The following MAPKBP1 variants were observed in gnomAD, a reference collection of about 807,000 sequenced individuals.
MAPKBP1 encodes mitogen-activated protein kinase-binding protein 1.
MAPKBP1 carries 71 observed loss-of-function variants against 170.5 expected under a neutral mutation model. That is an observed-to-expected ratio of 0.42 (90% confidence interval 0.34 to 0.51). MAPKBP1 has a LOEUF of 0.51. Ranked by LOEUF, MAPKBP1 falls within the 20% of genes least tolerant of loss-of-function variation. MAPKBP1 has a pLI of 0.06. For synonymous variants in MAPKBP1, 719 were observed against 757.9 expected, an observed-to-expected ratio of 0.95 and a Z score of 0.84; for missense variants, 1,598 against 1,933.0, an observed-to-expected ratio of 0.83 and a Z score of 3.25.
At chr15:41,809,073 C>CAA (rs34394712) in intron 3 of MAPKBP1, among the ~76,000 whole-genome samples, 18,929 of 113,614 alleles carry the variant, frequency 0.17, 1,933 homozygotes, top group Non-Finnish European at 0.18. Context: ...GACCCTGCCT[C>CAA]AAAAAAAAAA....
intron 2 of MAPKBP1, among the ~76,000 whole-genome samples, chr15:41,779,115 T>C (rs916194661): frequency 5.3e-5 from 8 of 152,152 alleles, no homozygotes; most frequent in Non-Finnish European, 1.2e-4. Context: ...TAAGAAGAGT[T>C]TGGTTGGGTG....
At position 41,817,369 on chromosome 15, in the gene MAPKBP1, G is replaced by C. The variant is rs1217334945; in HGVS notation, c.1712-19G>C. ...TGTGGTGAGAACAGTGGGAACAGCT[G>C]GGCTTCCCTCCTTCATAGCCAGTGA... On this transcript the variant is annotated intron_variant, in intron 14 of 30. Coordinates refer to ENST00000457542, the MANE Select transcript of MAPKBP1 (RefSeq NM_014994.3). The surrounding 1 kb of genome is among the most constrained non-coding windows in gnomAD (Gnocchi z 4.2). The C allele has an allele frequency of 5.0e-6, 8 of 1,613,588 alleles. No homozygotes were observed. The highest frequency in any genetic ancestry group is 6.8e-6 in the Non-Finnish European group (8 of 1,179,476).
rs1180462646 is a variant in MAPKBP1, at chr15:41,823,315, G to A, written c.3598+93G>A. 3.9e-6 allele frequency: 6 copies of A among 1,550,438 alleles called. No homozygotes were observed. In the African/African-American group the frequency reaches 6.8e-5, roughly 18 times the overall value. ...GGAGGGCCTGGTGTGGCCCTGATGT[G>A]CCACTGTGCTGGCCACTAGGTGTCC... is the stretch of plus-strand genomic sequence containing the variant. On this transcript the variant is annotated intron_variant, in intron 28 of 30. Transcript: ENST00000457542.
chr15:41,820,174 A>G (rs2064970734), intron 22 of MAPKBP1, among the ~76,000 whole-genome samples: 1 of 152,148 alleles, frequency 6.6e-6, no homozygotes, highest in African/African-American at 2.4e-5. Flanking sequence ...AGGGGGATCA[A>G]GGTGTTCAGA....
At chr15:41,819,555 G>GGGGGGGGGGGGGA (rs1555454090) in intron 21 of MAPKBP1, 40 bp from the exon 22 acceptor site, 1 of 1,478,514 alleles carries the variant, frequency 6.8e-7, no homozygotes, top group African/African-American at 1.4e-5. Context: ...GGCGGGGGGG[G>GGGGGGGGGGGGGA]GGCAGGAGAC....
At position 41,822,628 on chromosome 15, in the gene MAPKBP1, C is replaced by G; in HGVS notation, c.3265C>G (p.Arg1089Gly). The change falls in exon 27 of 31, where the codon CGG (arginine) becomes GGG (glycine). Residue 1089 changes from arginine (R) to glycine (G), a missense_variant. Physicochemically the swap from Arg to Gly is moderately radical, Grantham distance 125. Transcript: ENST00000457542. Reference protein sequence around the residue: ...PVQVPERSESRSISSRFLLQV... With the variant: ...PVQVPERSESGSISSRFLLQV... ...GCAGGTCCCAGAGAGGTCAGAGTCT[C>G]GGAGTATCTCTTCACGATTCCTGTT... 1.2e-6 allele frequency: 2 copies of G among 1,614,080 alleles called. No homozygotes were observed. Among genetic ancestry groups the G allele is most frequent in the East Asian group, 2.2e-5 (1 of 44,882 alleles).
At chr15:41,806,969 G>A (rs1407388951) in intron 3 of MAPKBP1, among the ~76,000 whole-genome samples, 1 of 152,202 alleles carries the variant, frequency 6.6e-6, no homozygotes, top group African/African-American at 2.4e-5. Flanking sequence ...CTGCGTTATC[G>A]TCCCTGCATG....
chr15:41,811,011 A>G, intron 4 of MAPKBP1, 66 bp downstream of exon 4: 6 of 1,592,594 alleles, frequency 3.8e-6, no homozygotes, highest in Non-Finnish European at 5.2e-6. Flanking sequence ...CACTGTCTAG[A>G]GTCTCTATGG....
chr15:41,813,247 C>G, intron 8 of MAPKBP1, 146 bp downstream of exon 8: 1 of 1,498,864 alleles, frequency 6.7e-7, no homozygotes, highest in Non-Finnish European at 9.2e-7. Flanking sequence ...AGAGCTTGGC[C>G]CATTTCCAGC....
chr15:41,777,498 TC>T (rs1322649280), intron 2 of MAPKBP1, among the ~76,000 whole-genome samples: 1 of 152,200 alleles, frequency 6.6e-6, no homozygotes, highest in Non-Finnish European at 1.5e-5. Context: ...ATTCAGTGCT[TC>T]AGACTGCTTT....
At chr15:41,779,986 C>T (rs1459067970) in intron 2 of MAPKBP1, among the ~76,000 whole-genome samples, 3 of 152,184 alleles carry the variant, frequency 2.0e-5, no homozygotes, top group African/African-American at 7.2e-5. Context: ...CTGCCCTCAG[C>T]CTTCAAAGTG....
At chr15:41,781,841 T>C (rs1474355777) in intron 2 of MAPKBP1, among the ~76,000 whole-genome samples, 1 of 152,170 alleles carries the variant, frequency 6.6e-6, no homozygotes, top group Non-Finnish European at 1.5e-5. Context: ...TTATCACAGT[T>C]CTCATCAGCC....
chr15:41,821,214 G>A (rs2064990665), intron 23 of MAPKBP1, 146 bp downstream of exon 23: 3 of 784,648 alleles, frequency 3.8e-6, no homozygotes, highest in Middle Eastern at 3.7e-4. Flanking sequence ...GCCAGGATGG[G>A]GGTGGCTGGG....
chr15:41,822,400 T>C lies in MAPKBP1; in HGVS notation c.3207T>C (p.Thr1069=). The C allele has an allele frequency of 6.2e-7, 1 of 1,614,010 alleles. No homozygotes were observed. Among genetic ancestry groups the C allele is most frequent in the Admixed American group, 1.7e-5 (1 of 60,004 alleles). The stretch of plus-strand genomic sequence containing the variant: ...AGTTTCTAAAACAGCACTTTGAGAC[T>C]CTGGCCAGTGGAGCTGCTCCAGGTG... The part of the protein sequence containing the change: ...QEQFLKQHFE[T]LASGAAPGAP... The change falls in exon 26 of 31, where the codon ACT becomes ACC. Residue 1069 remains threonine (T), a synonymous_variant. Transcript: ENST00000457542.
At chr15:41,824,231 G>C (rs2065051423) in intron 29 of MAPKBP1, among the ~76,000 whole-genome samples, 170 bp downstream of exon 29, 1 of 152,212 alleles carries the variant, frequency 6.6e-6, no homozygotes, top group African/African-American at 2.4e-5. Flanking sequence ...AGACCCTCCT[G>C]CTAACCTTCA....
chr15:41,774,965 C>T (rs2064072259), intron 1 of MAPKBP1: 7 of 482,840 alleles, frequency 1.4e-5, no homozygotes, highest in Admixed American at 7.5e-5. Flanking sequence ...CTCTGGCGGG[C>T]GTGGGCCTGG....
rs778360412 is a variant in MAPKBP1, at chr15:41,823,787, C to T, written c.3939C>T (p.Gly1313=). The change falls in exon 29 of 31, where the codon GGC becomes GGT. Residue 1313 remains glycine, a synonymous_variant. Coordinates refer to ENST00000457542, the MANE Select transcript of MAPKBP1 (RefSeq NM_014994.3). ...CTGCATTCTCTCCTGTCACCAAAGG[C>T]CGGGCCCCTGGCGAGGCAGAAAAGC... ...TLAAFSPVTK[G]RAPGEAEKPG... is the part of the protein sequence containing the mutation. The T allele has an allele frequency of 5.0e-6, 8 of 1,614,194 alleles. No homozygotes were observed. The highest frequency in any genetic ancestry group is 1.6e-4 in the Middle Eastern group (1 of 6,062).
At chr15:41,798,965 T>G (rs1338591666) in intron 2 of MAPKBP1, among the ~76,000 whole-genome samples, 1 of 152,168 alleles carries the variant, frequency 6.6e-6, no homozygotes, top group Non-Finnish European at 1.5e-5. Flanking sequence ...GAGGATGACA[T>G]GGAGTGACAG....
rs754318348 is a variant in MAPKBP1, at chr15:41,814,650, A to G, written c.1081A>G (p.Ser361Gly). 1.2e-6 allele frequency: 2 copies of G among 1,614,196 alleles called. No individual in the cohort carries two copies. Among genetic ancestry groups the G allele is most frequent in the Non-Finnish European group, 1.7e-6 (2 of 1,180,042 alleles). ...QWLSCVYNDH[S>G]IYVWDVRDPK... ...GCTGTCTTGTGTGTACAACGATCAT[A>G]GCATTTATGTTTGGGATGTGAGGGA... The change falls in exon 10 of 31, where the codon AGC becomes GGC. Residue 361 changes from serine to glycine, a missense_variant. Ser to Gly is a moderately conservative substitution (Grantham distance 56). Transcript: ENST00000457542.
Sources: allele counts gnomAD v4.1 joint callset (sites outside exome capture counted in the v4.1 genomes callset), GRCh38; gene constraint gnomAD v4.1.1; non-coding constraint Gnocchi (gnomAD v3.1); transcripts MANE v1.5; gene names NCBI Gene and HGNC (gene_info 2026-07-23, HGNC 2026-07-21).